The following MARK2 variants were observed in gnomAD, a reference collection of about 807,000 sequenced individuals.
MARK2 encodes the protein microtubule affinity regulating kinase 2.
A neutral mutation model predicts 89.8 loss-of-function variants in MARK2; 16 were observed. The observed-to-expected ratio is 0.18, with a 90% CI of 0.12 to 0.27. The LOEUF (loss-of-function observed/expected upper bound fraction) is 0.27, where lower values mean the gene tolerates loss of function less well. Ranked by LOEUF, MARK2 falls within the 10% of genes least tolerant of loss-of-function variation. MARK2 has a pLI of 1.00. For missense variants in MARK2, 621 were observed against 1,049.9 expected (o/e 0.59, Z 5.65); for synonymous variants, 382 against 399.5 (o/e 0.96, Z 0.52).
chr11:63,863,789 T>C (rs1027513187), intron 1 of MARK2, among the ~76,000 whole-genome samples: 31 of 151,396 alleles, frequency 2.0e-4, no homozygotes, highest in African/African-American at 7.5e-4. Flanking sequence ...CACTTTTTTT[T>C]TGAAACAGGA....
intron 1 of MARK2, among the ~76,000 whole-genome samples, chr11:63,889,726 A>C (rs1193901544): frequency 1.3e-5 from 2 of 152,242 alleles, no homozygotes; most frequent in Non-Finnish European, 2.9e-5. Flanking sequence ...AGGCCTGCTT[A>C]GTAACTACTT....
At chr11:63,873,232 TG>T (rs1938559687) in intron 1 of MARK2, among the ~76,000 whole-genome samples, 1 of 152,146 alleles carries the variant, frequency 6.6e-6, no homozygotes, top group Admixed American at 6.5e-5. Context: ...CTGGGTGGTT[TG>T]GGGAGTTTCT....
chr11:63,904,170 T>A lies in MARK2; in HGVS notation c.1676+23T>A. Reference sequence around the variant, plus strand: ...CAGGCAAGTGTGCTGGGGCAGCTGGTGCACCTGCTGCCCTCAGCCCACCCT... The same window carrying A: ...CAGGCAAGTGTGCTGGGGCAGCTGGAGCACCTGCTGCCCTCAGCCCACCCT... On this transcript the variant is annotated intron_variant, in intron 15 of 18. Transcript: ENST00000402010. The surrounding 1 kb of genome is among the most constrained non-coding windows in gnomAD (Gnocchi z 6.3). 6.5e-7 allele frequency: 1 copy of A among 1,537,926 alleles called. No individual in the cohort carries two copies. The highest frequency in any genetic ancestry group is 2.4e-5 in the East Asian group (1 of 41,338).
chr11:63,894,040 A>C (rs4980530), intron 1 of MARK2, among the ~76,000 whole-genome samples: 104,407 of 152,134 alleles, frequency 0.69, 36,418 homozygotes, highest in East Asian at 0.94. Flanking sequence ...CAGTGCTGGT[A>C]GTTGTAGCTT....
intron 1 of MARK2, among the ~76,000 whole-genome samples, chr11:63,860,353 A>G (rs1302894397): frequency 1.3e-5 from 2 of 151,738 alleles, no homozygotes; most frequent in African/African-American, 4.8e-5. Context: ...GGAGATCGAG[A>G]CCATCCTGGC....
At chr11:63,885,612 A>T (rs1391867854) in intron 1 of MARK2, among the ~76,000 whole-genome samples, 2 of 151,550 alleles carry the variant, frequency 1.3e-5, no homozygotes, top group Non-Finnish European at 2.9e-5. Context: ...GGGCGGGTGG[A>T]TTACTTGAGG....
Position 63,902,410 on chromosome 11 carries a change from C to T in MARK2, c.1234+80C>T. 2.5e-6 allele frequency: 4 copies of T among 1,572,950 alleles called. 1 individual carries two copies. In the South Asian group the frequency reaches 4.5e-5, roughly 18 times the overall value. The stretch of plus-strand genomic sequence containing the variant: ...AGGTTCTGTGGGGACTTGGGTAACA[C>T]AACTAAGTTTCAGTCCTGGTTCAGC... On this transcript the variant is annotated intron_variant, in intron 12 of 18. Transcript: ENST00000402010. This position sits in a 1 kb window ranked among gnomAD's most constrained non-coding sequence, Gnocchi z 4.2.
chr11:63,843,694 G>A (rs967021225), intron 1 of MARK2, among the ~76,000 whole-genome samples: 8 of 151,474 alleles, frequency 5.3e-5, no homozygotes, highest in Admixed American at 2.0e-4. Context: ...ATGCGATCTC[G>A]GCTCACTGCA....
rs1201365192 is a variant in MARK2, at chr11:63,902,897, A to G, written c.1416+115A>G. 2.7e-6 allele frequency: 3 copies of G among 1,095,188 alleles called. No individual in the cohort carries two copies. The highest frequency in any genetic ancestry group is 2.4e-5 in the East Asian group (1 of 42,094). 67.8% of individuals were successfully genotyped at this position (1,095,188 alleles called of 1,614,324 possible). ...TTTGGCTACTACTTCTGCTTATAGC[A>G]GGAAGCCTCGCTCCCAGCAGTAAAT... On this transcript the variant is annotated intron_variant, in intron 13 of 18. Transcript: ENST00000402010. The surrounding 1 kb of genome is among the most constrained non-coding windows in gnomAD (Gnocchi z 4.2).
intron 1 of MARK2, among the ~76,000 whole-genome samples, chr11:63,894,168 G>A (rs1176306829): frequency 6.6e-6 from 1 of 152,192 alleles, no homozygotes; most frequent in African/African-American, 2.4e-5. Context: ...GCAAACATAA[G>A]CCAGTCTCTC....
chr11:63,849,620 T>G (rs959887160), intron 1 of MARK2, among the ~76,000 whole-genome samples: 12 of 152,088 alleles, frequency 7.9e-5, no homozygotes, highest in Admixed American at 5.9e-4. Context: ...CGGTGTGGTG[T>G]TGTACACCTA....
chr11:63,888,397 A>T, intron 1 of MARK2: 1 of 344,578 alleles, frequency 2.9e-6, no homozygotes, highest in Non-Finnish European at 4.1e-6. Flanking sequence ...GGGTTTTATG[A>T]CAGCCGTGGC....
rs1011935536 is a variant in MARK2 at position 63,903,251 on chromosome 11, C to T, written c.1514+93C>T. ...CAGCACCGTCTCCTGTCCCTGCCAG[C>T]GCATTGCTCCCTGCTCCCTGGAGTT... On this transcript the variant is annotated intron_variant, in intron 14 of 18. Transcript: ENST00000402010. This position sits in a 1 kb window ranked among gnomAD's most constrained non-coding sequence, Gnocchi z 5.1. 209 of 967,728 alleles carry T rather than the reference C, an allele frequency of 2.2e-4. 2 individuals are homozygous for T. Among genetic ancestry groups the T allele is most frequent in the South Asian group, 2.1e-3 (160 of 75,526 alleles). The allele number at this position is 967,728 out of a possible 1,614,324, so 59.9% of individuals were successfully genotyped here. A position where few individuals can be genotyped will look rare whatever the true frequency, so the allele number is the denominator to read the frequency against.
chr11:63,876,910 A>T (rs1938792113), intron 1 of MARK2, among the ~76,000 whole-genome samples: 1 of 152,118 alleles, frequency 6.6e-6, no homozygotes. Flanking sequence ...CGACCAGTGC[A>T]CGAGCTAATC....
chr11:63,907,289 G>A (rs1239860072), intron 17 of MARK2, among the ~76,000 whole-genome samples: 2 of 152,180 alleles, frequency 1.3e-5, no homozygotes, highest in African/African-American at 4.8e-5. Context: ...GCTGCCTCAA[G>A]GGGCCCCAGC....
rs1201791740 is a variant in MARK2, at chr11:63,900,017, A to G, written c.675A>G (p.Lys225=). ...CCCCAGAACTCTTCCAGGGCAAAAA[A>G]TATGATGGACCCGAGGTGGATGTGT... ...YAAPELFQGK[K]YDGPEVDVWS... Residue 225 remains lysine (K), a synonymous_variant, in exon 8 of 19, where the codon AAA becomes AAG. Coordinates refer to ENST00000402010, the MANE Select transcript of MARK2 (RefSeq NM_001039469.3). This position sits in a 1 kb window ranked among gnomAD's most constrained non-coding sequence, Gnocchi z 4.7. The G allele has an allele frequency of 6.2e-7, 1 of 1,614,234 alleles. No homozygotes were observed. The highest frequency in any genetic ancestry group is 1.7e-5 in the Admixed American group (1 of 60,036).
chr11:63,860,054 C>T (rs1466101992), intron 1 of MARK2, among the ~76,000 whole-genome samples: 1 of 152,148 alleles, frequency 6.6e-6, no homozygotes, highest in Non-Finnish European at 1.5e-5. Context: ...TTTGTATTTC[C>T]TTGACAAGTC....
chr11:63,839,954 C>T (rs1259845745), intron 1 of MARK2, among the ~76,000 whole-genome samples: 1 of 152,142 alleles, frequency 6.6e-6, no homozygotes, highest in Admixed American at 6.5e-5. Context: ...AGATCGTTGT[C>T]CACCTCTCCC....
At chr11:63,874,915 G>T (rs1030728493) in intron 1 of MARK2, among the ~76,000 whole-genome samples, 1 of 152,124 alleles carries the variant, frequency 6.6e-6, no homozygotes, top group Admixed American at 6.5e-5. Context: ...CTGTTCCCAT[G>T]GGGTAGGGCT....
Sources: gnomAD v4.1 joint callset for allele counts (sites outside exome capture counted in the v4.1 genomes callset) on GRCh38, gnomAD v4.1.1 for gene constraint, Gnocchi (gnomAD v3.1) non-coding constraint, MANE v1.5 for transcripts, NCBI Gene and HGNC (gene_info 2026-07-23, HGNC 2026-07-21) for gene names.